Variants in LSP1 observed in about 807,000 individuals in gnomAD.
LSP1 encodes lymphocyte-specific protein 1.
In LSP1, 32 loss-of-function variants were observed where a neutral mutation model predicts 49.3. The ratio of observed to expected loss-of-function variants is 0.65; its 90% CI spans 0.49 to 0.87. The LOEUF is 0.87. Among genes scored for constraint, LSP1 ranks in the 40% least tolerant of loss-of-function variants. The pLI, the probability that LSP1 is intolerant of heterozygous loss-of-function variation, is 0.00. For synonymous variants in LSP1, 179 were observed against 178.8 expected (o/e 1.00, Z -0.01); for missense variants, 428 against 442.6 (o/e 0.97, Z 0.30).
At position 1,888,704 on chromosome 11, in the gene LSP1, C is replaced by T. The variant is rs150131526; in HGVS notation, c.*13+1128C>T. The T allele has an allele frequency of 3.5e-3, 562 of 158,318 alleles. 7 individuals are homozygous for T. Among genetic ancestry groups the T allele is most frequent in the African/African-American group, 0.013 (542 of 41,780 alleles). 9.8% of individuals were successfully genotyped at this position (158,318 alleles called of 1,614,324 possible). ...ACGCCGATGGCCAAGCCAGCCTGAC[C>T]GCACCCATGCCTCAGCAAGCAGAGA... is the stretch of plus-strand genomic sequence containing the variant. On this transcript the variant is annotated intron_variant, in intron 10 of 10. Coordinates refer to ENST00000311604, the MANE Select transcript of LSP1 (RefSeq NM_002339.3).
intron 1 of LSP1, chr11:1,870,713 G>A: frequency 9.8e-7 from 1 of 1,016,358 alleles, no homozygotes; most frequent in Non-Finnish European, 1.2e-6. Flanking sequence ...GTGGAGGATG[G>A]GAGCGCTTCG....
intron 1 of LSP1, chr11:1,866,485 T>C: frequency 1.3e-6 from 2 of 1,488,178 alleles, no homozygotes; most frequent in Non-Finnish European, 1.8e-6. Context: ...ATGGCTCCGA[T>C]CTGGTCCCCA....
intron 3 of LSP1, among the ~76,000 whole-genome samples, 170 bp downstream of exon 3, chr11:1,881,766 C>G (rs1262008647): frequency 1.3e-5 from 2 of 152,120 alleles, no homozygotes; most frequent in East Asian, 3.9e-4. Context: ...TGAGCAGCCA[C>G]CCCATCCTCC....
At chr11:1,887,374 G>C in intron 9 of LSP1, 60 bp downstream of exon 9, 1 of 1,572,480 alleles carries the variant, frequency 6.4e-7, no homozygotes, top group Non-Finnish European at 8.7e-7. Flanking sequence ...GGCAAAGAGG[G>C]ACTGTCCTCT....
intron 10 of LSP1, chr11:1,889,537 C>G (rs913903331): frequency 9.8e-6 from 6 of 613,204 alleles, no homozygotes; most frequent in Admixed American, 8.9e-5. Flanking sequence ...GGGGCCTCCT[C>G]CAGCAGCTGC....
At chr11:1,862,199 G>C (rs1847660059) in intron 1 of LSP1, among the ~76,000 whole-genome samples, 4 of 152,166 alleles carry the variant, frequency 2.6e-5, no homozygotes, top group Admixed American at 6.5e-5. Context: ...TGAGTAGATG[G>C]ATGGATGAGT....
Position 1,884,252 on chromosome 11 carries a change from G to A in LSP1, c.592-28G>A, listed in dbSNP as rs1389677211. 1 of 1,613,822 alleles carries A rather than the reference G, an allele frequency of 6.2e-7. No homozygotes were observed. The highest frequency in any genetic ancestry group is 1.1e-5 in the South Asian group (1 of 91,070). On this transcript the variant is annotated intron_variant, in intron 5 of 10. Transcript: ENST00000311604. This position sits in a 1 kb window ranked among gnomAD's most constrained non-coding sequence, Gnocchi z 4.1. ...GGTGGGCTTTACCTCGGCTGCTGCAGGCCTGTGTCTCTCTCCACCCTCTGC... is the reference window on the plus strand; with the variant it reads ...GGTGGGCTTTACCTCGGCTGCTGCAAGCCTGTGTCTCTCTCCACCCTCTGC...
intron 1 of LSP1, chr11:1,876,642 G>T (rs188968127): frequency 3.0e-6 from 3 of 985,446 alleles, no homozygotes; most frequent in Middle Eastern, 5.2e-4. Context: ...GGGGGAGGAC[G>T]GAGGTGGGTA....
At chr11:1,887,759 A>G (rs1021761320) in intron 10 of LSP1, among the ~76,000 whole-genome samples, 183 bp downstream of exon 10, 1 of 152,082 alleles carries the variant, frequency 6.6e-6, no homozygotes, top group Non-Finnish European at 1.5e-5. Context: ...CTCACCTGAT[A>G]CCAGATTCAA....
At chr11:1,869,339 T>C in intron 1 of LSP1, 1 of 300,168 alleles carries the variant, frequency 3.3e-6, no homozygotes, top group South Asian at 2.9e-5. Context: ...TGGGGAGAAG[T>C]GACAGAGAAA....
intron 1 of LSP1, among the ~76,000 whole-genome samples, 160 bp downstream of exon 1, chr11:1,853,357 A>C (rs1352240593): frequency 6.6e-6 from 1 of 152,222 alleles, no homozygotes; most frequent in Non-Finnish European, 1.5e-5. Flanking sequence ...ACCCACAGAC[A>C]GGTGGCAGGA....
intron 1 of LSP1, among the ~76,000 whole-genome samples, chr11:1,872,644 G>T (rs1848090245): frequency 6.8e-6 from 1 of 147,420 alleles, no homozygotes; most frequent in Non-Finnish European, 1.5e-5. Context: ...TAGAGTTGGG[G>T]TCTGTCTGGC....
intron 10 of LSP1, chr11:1,889,658 C>T: frequency 1.6e-6 from 1 of 629,684 alleles, no homozygotes; most frequent in Non-Finnish European, 2.9e-6. Flanking sequence ...CAGGGCTGGA[C>T]ACTCGCTCGG....
intron 1 of LSP1, among the ~76,000 whole-genome samples, chr11:1,862,787 TCCCCTGGGTGATCTC>T (rs1565072144): frequency 6.6e-6 from 1 of 150,946 alleles, no homozygotes; most frequent in Non-Finnish European, 1.5e-5. Context: ...TGATCTCACC[TCCCCTGGGTGATCTC>T]ACCTCCCCCA....
At chr11:1,865,988 C>T (rs1317469242) in intron 1 of LSP1, among the ~76,000 whole-genome samples, 4 of 152,062 alleles carry the variant, frequency 2.6e-5, no homozygotes, top group Non-Finnish European at 5.9e-5. Flanking sequence ...CCTGTTTCTT[C>T]CTCTGTAAAG....
At chr11:1,871,070 C>T (rs151095292) in intron 1 of LSP1, 26,750 of 985,566 alleles carry the variant, frequency 0.027, 407 homozygotes, top group Non-Finnish European at 0.03. Context: ...CGGCGGAGGA[C>T]GCTGATCGCG....
At chr11:1,869,022 A>T (rs1847886367) in intron 1 of LSP1, 1 of 986,724 alleles carries the variant, frequency 1.0e-6, no homozygotes, top group African/African-American at 1.7e-5. Flanking sequence ...AGGTCTCTGG[A>T]GGGCAGACAG....
intron 1 of LSP1, among the ~76,000 whole-genome samples, chr11:1,872,513 G>T (rs1848081478): frequency 7.1e-6 from 1 of 140,326 alleles, no homozygotes; most frequent in African/African-American, 2.7e-5. Flanking sequence ...GGCAGGCCTG[G>T]GCTGTAGTCA....
chr11:1,871,123 G>T, intron 1 of LSP1: 2 of 985,552 alleles, frequency 2.0e-6, no homozygotes, highest in Non-Finnish European at 2.4e-6. Context: ...AGGTCGCCTC[G>T]CTCGTGGCAC....
Sources: gnomAD v4.1 joint callset for allele counts (sites outside exome capture counted in the v4.1 genomes callset) on GRCh38, gnomAD v4.1.1 for gene constraint, Gnocchi (gnomAD v3.1) non-coding constraint, MANE v1.5 for transcripts, NCBI Gene and HGNC (gene_info 2026-07-23, HGNC 2026-07-21) for gene names.